Variants in KRTAP13-4 observed in about 807,000 individuals in gnomAD.
The protein encoded by KRTAP13-4 is keratin-associated protein 13-4.
For missense variants in KRTAP13-4, 198 were observed against 189.6 expected (o/e 1.04, Z -0.26); for synonymous variants, 80 against 77.2 (o/e 1.04, Z -0.19).
exon 1 of KRTAP13-4, chr21:30,430,354 A>G (rs748287930): frequency 7.4e-6 from 12 of 1,613,878 alleles, no homozygotes; most frequent in African/African-American, 5.3e-5. Flanking sequence ...CTCCTACCCC[A>G]GCAGCCTGGT....
chr21:30,430,313 G>C, exon 1 of KRTAP13-4: 6 of 1,612,456 alleles, frequency 3.7e-6, no homozygotes, highest in South Asian at 1.1e-5. Context: ...TTCTCCTCCC[G>C]CTCCTTTGGG....
exon 1 of KRTAP13-4, chr21:30,430,515 T>C: frequency 6.2e-7 from 1 of 1,614,202 alleles, no homozygotes; most frequent in Non-Finnish European, 8.5e-7. Context: ...GTCAGACGAC[T>C]TGCTCTGGAT....
chr21:30,430,279 T>C (rs1162006787), exon 1 of KRTAP13-4: 1 of 1,605,716 alleles, frequency 6.2e-7, no homozygotes, highest in East Asian at 2.2e-5. Flanking sequence ...CATCAGCATG[T>C]CCTACAACTG....
the KRTAP13-4 span, chr21:30,430,744 C>T: frequency 6.2e-7 from 1 of 1,605,810 alleles, no homozygotes; most frequent in Non-Finnish European, 8.5e-7. Context: ...TCGCTTCTAT[C>T]AATTCACCTG....
exon 1 of KRTAP13-4, chr21:30,430,908 C>A: frequency 1.3e-6 from 1 of 786,014 alleles, no homozygotes. Context: ...TAATGAGTAA[C>A]CTAATATTAA....
At chr21:30,430,341 A>G in exon 1 of KRTAP13-4, 6 of 1,613,880 alleles carry the variant, frequency 3.7e-6, no homozygotes, top group Non-Finnish European at 4.2e-6. Context: ...TGTACTACCC[A>G]GGCTCCTACC....
chr21:30,431,004 A>G (rs1487421592), exon 1 of KRTAP13-4: 1 of 383,444 alleles, frequency 2.6e-6, no homozygotes, highest in Non-Finnish European at 4.9e-6. Flanking sequence ...AATCTAATAA[A>G]TGTATGTAAT....
At chr21:30,430,607 G>T in exon 1 of KRTAP13-4, 1 of 1,614,188 alleles carries the variant, frequency 6.2e-7, no homozygotes, top group Non-Finnish European at 8.5e-7. Context: ...GGATCCAGTG[G>T]CTTCAGATTC....
exon 1 of KRTAP13-4, chr21:30,430,758 A>G: frequency 6.2e-7 from 1 of 1,601,798 alleles, no homozygotes; most frequent in Non-Finnish European, 8.5e-7. Context: ...TCACCTGCTA[A>G]ATTTCTAGAT....
chr21:30,430,682 A>T (rs1486208596), exon 1 of KRTAP13-4: 1 of 1,614,078 alleles, frequency 6.2e-7, no homozygotes, highest in Admixed American at 1.7e-5. Context: ...TACCCAAACT[A>T]CTTGGCTTCT....
At chr21:30,430,539 G>A in exon 1 of KRTAP13-4, 1 of 1,614,156 alleles carries the variant, frequency 6.2e-7, no homozygotes, top group Non-Finnish European at 8.5e-7. Flanking sequence ...TAGGCTTTCG[G>A]TCCAGCAGCT....
exon 1 of KRTAP13-4, chr21:30,430,905 T>C: frequency 1.3e-6 from 1 of 793,956 alleles, no homozygotes; most frequent in Non-Finnish European, 2.0e-6. Context: ...AATTAATGAG[T>C]AACCTAATAT....
exon 1 of KRTAP13-4, chr21:30,430,328 A>G (rs1984415896): frequency 2.5e-6 from 4 of 1,613,760 alleles, no homozygotes; most frequent in Non-Finnish European, 3.4e-6. Context: ...TTTGGGGGCT[A>G]CCTGTACTAC....
exon 1 of KRTAP13-4, chr21:30,430,728 T>C (rs1300957807): frequency 1.9e-6 from 3 of 1,611,982 alleles, no homozygotes; most frequent in Non-Finnish European, 2.5e-6. Context: ...GACCAATCTG[T>C]GGATCTCGCT....
chr21:30,430,635 T>C, exon 1 of KRTAP13-4: 1 of 1,614,186 alleles, frequency 6.2e-7, no homozygotes, highest in African/African-American at 1.3e-5. Context: ...ATGGAGGCTG[T>C]GGTTTTCCTT....
In KRTAP13-4 at chr21:30,430,541, C is replaced by T. The variant is rs1250375255; in HGVS notation, c.266C>T (p.Ser89Phe). ...TGCTCTGGATCTCTAGGCTTTCGGT[C>T]CAGCAGCTGTCGCTCCCAGGGCTAT... The change falls in exon 1 of 1, where the codon TCC becomes TTC. Residue 89 changes from serine to phenylalanine, a missense_variant. By Grantham distance (155) the Ser-to-Phe change is radical. Transcript: ENST00000334068. 44 of 1,614,090 alleles carry T rather than the reference C, an allele frequency of 2.7e-5. No individual in the cohort carries two copies. The highest frequency in any genetic ancestry group is 3.6e-5 in the Non-Finnish European group (43 of 1,180,040).
chr21:30,430,996 T>C, exon 1 of KRTAP13-4: 1 of 412,138 alleles, frequency 2.4e-6, no homozygotes, highest in South Asian at 6.3e-5. Flanking sequence ...GAAATTTTAA[T>C]CTAATAAATG....
chr21:30,430,358 G>A (rs1226738251), exon 1 of KRTAP13-4: 1 of 1,613,936 alleles, frequency 6.2e-7, no homozygotes, highest in Admixed American at 1.7e-5. Flanking sequence ...TACCCCAGCA[G>A]CCTGGTCTAC....
exon 1 of KRTAP13-4, chr21:30,430,263 A>G (rs779215350): frequency 1.9e-6 from 3 of 1,585,742 alleles, no homozygotes; most frequent in Non-Finnish European, 2.6e-6. Flanking sequence ...CTGAACTCCC[A>G]TCTCTCATCA....
Sources: allele counts gnomAD v4.1 joint callset, GRCh38; gene constraint gnomAD v4.1.1; transcripts MANE v1.5; gene names NCBI Gene and HGNC (gene_info 2026-07-23, HGNC 2026-07-21).